CLEC4C: variants seen among roughly 807,000 people sequenced by gnomAD.
CLEC4C encodes C-type lectin domain family 4 member C.
CLEC4C carries 17 observed loss-of-function variants against 27.7 expected under a neutral mutation model. The observed-to-expected ratio is 0.61, with a 90% confidence interval of 0.42 to 0.92. CLEC4C has a LOEUF of 0.92. Ranked by LOEUF, CLEC4C falls within the 40% of genes least tolerant of loss-of-function variation. The probability of loss-of-function intolerance (pLI) is 0.00; values close to 1 mark genes in which losing one functional copy is unlikely to be tolerated. For synonymous variants in CLEC4C, 80 were observed against 80.8 expected (o/e 0.99, Z 0.06); for missense variants, 244 against 257.3 (o/e 0.95, Z 0.35).
chr12:7,737,354 C>G, intron 4 of CLEC4C, 75 bp downstream of exon 4: 10 of 775,024 alleles, frequency 1.3e-5, no homozygotes, highest in Middle Eastern at 2.9e-4. Flanking sequence ...TTTGAACTTT[C>G]AGGGCAATAA....
intron 4 of CLEC4C, among the ~76,000 whole-genome samples, chr12:7,737,097 G>A (rs1348904712): frequency 1.3e-5 from 2 of 151,648 alleles, no homozygotes; most frequent in South Asian, 2.1e-4. Context: ...CAGGCGTGGC[G>A]GTACATGCCT....
chr12:7,746,712 G>A (rs767628613), intron 1 of CLEC4C, among the ~76,000 whole-genome samples: 1 of 152,274 alleles, frequency 6.6e-6, no homozygotes, highest in African/African-American at 2.4e-5. Context: ...CAAACTTCCA[G>A]GCTTAAGTGG....
At chr12:7,734,396 A>G (rs1346344359) in intron 4 of CLEC4C, among the ~76,000 whole-genome samples, 1 of 152,108 alleles carries the variant, frequency 6.6e-6, no homozygotes, top group Admixed American at 6.6e-5. Flanking sequence ...AGTAAATCAG[A>G]CCTCATATAG....
upstream of CLEC4C, chr12:7,747,521 G>T (rs190300798): frequency 4.1e-4 from 229 of 561,882 alleles, 1 homozygote; most frequent in African/African-American, 4.1e-3. Context: ...AGACTCTGCA[G>T]TGAGCTAAAG....
At chr12:7,741,064 G>A (rs147674574) in intron 3 of CLEC4C, among the ~76,000 whole-genome samples, 1 of 152,040 alleles carries the variant, frequency 6.6e-6, no homozygotes, top group African/African-American at 2.4e-5. Context: ...TCCTGACCTC[G>A]TGATCCGCCC....
intron 4 of CLEC4C, among the ~76,000 whole-genome samples, chr12:7,732,641 C>T (rs953228101): frequency 1.3e-5 from 2 of 151,722 alleles, no homozygotes; most frequent in Non-Finnish European, 2.9e-5. Context: ...CGTGAGCCAC[C>T]GTGCCCGACC....
chr12:7,747,862 G>A (rs768373407), upstream of CLEC4C, among the ~76,000 whole-genome samples: 1 of 126,146 alleles, frequency 7.9e-6, no homozygotes, highest in African/African-American at 3.0e-5. Flanking sequence ...GGCTTGTCTC[G>A]AACTCCTGAC....
chr12:7,746,054 A>G (rs1864969229), intron 2 of CLEC4C, among the ~76,000 whole-genome samples: 1 of 151,526 alleles, frequency 6.6e-6, no homozygotes, highest in African/African-American at 2.4e-5. Context: ...TCTCTACTAA[A>G]AATACAAAAA....
chr12:7,742,601 G>C (rs765979708), intron 2 of CLEC4C, among the ~76,000 whole-genome samples: 2 of 151,366 alleles, frequency 1.3e-5, no homozygotes, highest in African/African-American at 2.4e-5. Context: ...ATGAGGTCAG[G>C]AGTTTGAGAC....
chr12:7,737,324 G>GA, intron 4 of CLEC4C, 105 bp downstream of exon 4: 2 of 744,806 alleles, frequency 2.7e-6, no homozygotes, highest in East Asian at 3.7e-5. Flanking sequence ...TTACCCAGAA[G>GA]TTTTTTTTTT....
intron 5 of CLEC4C, 42 bp downstream of exon 5, chr12:7,730,755 C>A (rs750578928): frequency 1.2e-5 from 12 of 1,010,716 alleles, no homozygotes; most frequent in Non-Finnish European, 1.7e-5. Flanking sequence ...TAAACCCCTA[C>A]ATGATCAGGA....
At chr12:7,748,525 C>CAAA (rs55874050), upstream of CLEC4C, among the ~76,000 whole-genome samples, 22 of 142,100 alleles carry the variant, frequency 1.5e-4, no homozygotes, top group East Asian at 4.0e-4. Context: ...GACTCAGTCT[C>CAAA]AAAAAAAAAA....
At chr12:7,740,178 T>G (rs1212852586) in intron 3 of CLEC4C, among the ~76,000 whole-genome samples, 2 of 151,770 alleles carry the variant, frequency 1.3e-5, no homozygotes, top group Non-Finnish European at 2.9e-5. Context: ...AGGTCCCATC[T>G]TGTTTCCCAG....
upstream of CLEC4C, chr12:7,747,474 T>C: frequency 1.1e-6 from 1 of 883,600 alleles, no homozygotes; most frequent in East Asian, 2.4e-5. Context: ...TAGATCCTTC[T>C]TCGCCTACTC....
chr12:7,732,143 C>T (rs1864609941), intron 4 of CLEC4C, among the ~76,000 whole-genome samples: 1 of 151,894 alleles, frequency 6.6e-6, no homozygotes, highest in African/African-American at 2.4e-5. Context: ...GAGTATCCTG[C>T]CGCAGCCTCC....
chr12:7,747,632 C>CTTT (rs201227947), upstream of CLEC4C: 1,203 of 88,402 alleles, frequency 0.014, 164 homozygotes, highest in African/African-American at 0.034. Flanking sequence ...GTCTGATTGT[C>CTTT]TTTTTTTTTT....
rs1237396294 is a variant in CLEC4C, at chr12:7,729,610, T to C, written c.628A>G (p.Lys210Glu). The change falls in exon 6 of 6, where the codon AAG (lysine) becomes GAG (glutamate). Residue 210 changes from lysine (K) to glutamate (E), a missense_variant. Physicochemically the swap from Lys to Glu is moderately conservative, Grantham distance 56. Coordinates refer to ENST00000360345, the MANE Select transcript of CLEC4C (RefSeq NM_001371390.1). ...GAATATTTCATTTATATGTAGATCTTCTTCATCTTGCAAATTGACTTCTGA... is the reference window on the plus strand; with the variant it reads ...GAATATTTCATTTATATGTAGATCTCCTTCATCTTGCAAATTGACTTCTGA... ...VPQKSICKMK[K>E]IYI The C allele has an allele frequency of 1.2e-6, 2 of 1,613,372 alleles. No homozygotes were observed. Among genetic ancestry groups the C allele is most frequent in the Non-Finnish European group, 1.7e-6 (2 of 1,179,790 alleles).
rs1212855403 is a variant in CLEC4C, at chr12:7,746,224, AAAAAAAAAAG to A, written c.124+97_124+106del. ...GCGAGATTCCGTCTCAAAAAAAAAA[AAAAAAAAAAG>A]AAAAAAAAAGAAAGAGGAACGTGTT... is the stretch of plus-strand genomic sequence containing the variant. On this transcript the variant is annotated intron_variant, in intron 2 of 5. Transcript: ENST00000360345. 2.8e-4 allele frequency: 190 copies of A among 681,810 alleles called. 1 individual carries two copies. The African/African-American group carries it at 3.1e-3, about 11-fold the overall frequency. The allele number at this position is 681,810 out of a possible 1,614,324, so 42.2% of individuals were successfully genotyped here.
At chr12:7,746,259 T>C in intron 2 of CLEC4C, 72 bp downstream of exon 2, 2 of 878,382 alleles carry the variant, frequency 2.3e-6, no homozygotes, top group South Asian at 1.5e-5. Flanking sequence ...AGGAACGTGT[T>C]TCTTCAGGAA....
Sources: gnomAD v4.1 joint callset for allele counts (sites outside exome capture counted in the v4.1 genomes callset) on GRCh38, gnomAD v4.1.1 for gene constraint, MANE v1.5 for transcripts, NCBI Gene and HGNC (gene_info 2026-07-23, HGNC 2026-07-21) for gene names.